Variants in UTRN observed in about 807,000 individuals in gnomAD.
UTRN encodes utrophin.
A neutral mutation model predicts 463.9 loss-of-function variants in UTRN; 283 were observed. That is an observed-to-expected ratio of 0.61 (90% CI 0.55 to 0.67). The LOEUF (loss-of-function observed/expected upper bound fraction) is 0.67, where lower values mean the gene tolerates loss of function less well. UTRN is among the 30% of genes least tolerant of loss of function. The pLI is 0.00. For missense variants in UTRN, 3,922 were observed against 4,084.3 expected (o/e 0.96, Z 1.08); for synonymous variants, 1,442 against 1,431.5 (o/e 1.01, Z -0.17).
At chr6:144,676,192 A>G (rs1259567471) in intron 51 of UTRN, among the ~76,000 whole-genome samples, 1 of 152,104 alleles carries the variant, frequency 6.6e-6, no homozygotes, top group Admixed American at 6.6e-5. Context: ...GATTAAGGGC[A>G]AGTAAAGTTA....
chr6:144,426,292 A>G lies in UTRN; in HGVS notation c.411A>G (p.Lys137=), dbSNP rs1055690769. 1 of 1,612,654 alleles carries G rather than the reference A, an allele frequency of 6.2e-7. No individual in the cohort carries two copies. Among genetic ancestry groups the G allele is most frequent in the Non-Finnish European group, 8.5e-7 (1 of 1,179,330 alleles). The change falls in exon 7 of 75, where the codon AAA becomes AAG. Residue 137 remains lysine (K), a synonymous_variant. Coordinates refer to ENST00000367545, the MANE Select transcript of UTRN (RefSeq NM_007124.3). ...GCCTGGTTTCTCTTACATAGGTGAA[A>G]GATGTCATGAAGGATGTCATGTCGG... ...LWSIILHWQV[K]DVMKDVMSDL...
At position 144,761,341 on chromosome 6, in the gene UTRN, A is replaced by C. The variant is rs1192917104; in HGVS notation, c.8495+3352A>C. 2.0e-5 allele frequency among the ~76,000 whole-genome samples: 3 copies of C among 152,140 alleles called. No homozygotes were observed. In the East Asian group the frequency reaches 5.8e-4, roughly 29 times the overall value. On this transcript the variant is annotated intron_variant, in intron 58 of 74. Transcript: ENST00000367545. Reference sequence around the variant, plus strand: ...TCCTAGTATAGTGCAATGAGAGCTCATTGTATTCAGGGTTTAAGAACATTT... The same window carrying C: ...TCCTAGTATAGTGCAATGAGAGCTCCTTGTATTCAGGGTTTAAGAACATTT...
intron 52 of UTRN, among the ~76,000 whole-genome samples, chr6:144,681,473 A>G (rs78034085): frequency 2.5e-3 from 383 of 152,244 alleles, no homozygotes; most frequent in Non-Finnish European, 4.2e-3. Flanking sequence ...TGCATAAGTA[A>G]TGGTGCAAGC....
intron 51 of UTRN, among the ~76,000 whole-genome samples, chr6:144,593,712 A>G (rs1330134207): frequency 6.6e-6 from 1 of 152,204 alleles, no homozygotes; most frequent in African/African-American, 2.4e-5. Context: ...GATTGTATTC[A>G]GAGAACATTG....
chr6:144,732,311 TAA>T (rs1301214040), intron 54 of UTRN, among the ~76,000 whole-genome samples: 3 of 142,886 alleles, frequency 2.1e-5, no homozygotes, highest in African/African-American at 5.2e-5. Context: ...TATATATATA[TAA>T]AAAATGTATA....
At position 144,840,811 on chromosome 6, in the gene UTRN, A is replaced by G. The variant is rs1781506289; in HGVS notation, c.10249A>G (p.Ser3417Gly). 3 of 1,613,956 alleles carry G rather than the reference A, an allele frequency of 1.9e-6. No homozygotes were observed. Among genetic ancestry groups the G allele is most frequent in the Non-Finnish European group, 2.5e-6 (3 of 1,179,986 alleles). Residue 3417 changes from serine to glycine, a missense_variant, in exon 73 of 75, where the codon AGC becomes GGC. Ser to Gly is a moderately conservative substitution (Grantham distance 56). Around this residue, in one of 3 missense-constraint regions of UTRN, gnomAD observed 1,309 missense variants for 1,452.6 expected, o/e 0.90. Transcript: ENST00000367545. Reference sequence around the variant, plus strand: ...CACGGAGGTCATGGAGCAGATTCACAGCACGTTTCCATCTTGCTGCCGTGA... The same window carrying G: ...CACGGAGGTCATGGAGCAGATTCACGGCACGTTTCCATCTTGCTGCCGTGA... ...DLTEVMEQIH[S>G]TFPSCCPNVP...
chr6:144,589,521 T>C (rs918936960), intron 51 of UTRN, among the ~76,000 whole-genome samples: 1 of 152,196 alleles, frequency 6.6e-6, no homozygotes, highest in Non-Finnish European at 1.5e-5. Flanking sequence ...ATAGCCAGTG[T>C]CTCTCTACCT....
chr6:144,832,645 A>G (rs1183100658), intron 69 of UTRN, among the ~76,000 whole-genome samples: 4 of 152,170 alleles, frequency 2.6e-5, no homozygotes, highest in African/African-American at 9.7e-5. Context: ...CTGTGGTCAA[A>G]TCATGGCCAC....
At chr6:144,689,131 G>A (rs1783057219) in intron 52 of UTRN, among the ~76,000 whole-genome samples, 1 of 152,156 alleles carries the variant, frequency 6.6e-6, no homozygotes, top group Non-Finnish European at 1.5e-5. Flanking sequence ...CATATAGAGA[G>A]GGACTGTGAC....
intron 51 of UTRN, among the ~76,000 whole-genome samples, chr6:144,619,601 T>G (rs1300447187): frequency 6.6e-6 from 1 of 152,230 alleles, no homozygotes; most frequent in Admixed American, 6.5e-5. Context: ...GATTTATTTC[T>G]GGAGATGTAC....
intron 62 of UTRN, among the ~76,000 whole-genome samples, chr6:144,791,364 T>G (rs1360231137): frequency 6.6e-6 from 1 of 152,188 alleles, no homozygotes; most frequent in African/African-American, 2.4e-5. Context: ...TTTCTAACAG[T>G]GCCCTGGCCT....
intron 50 of UTRN, among the ~76,000 whole-genome samples, chr6:144,561,418 A>G (rs1337494781): frequency 6.6e-6 from 1 of 151,172 alleles, no homozygotes; most frequent in Non-Finnish European, 1.5e-5. Context: ...ATATATATGC[A>G]CACTCATGTA....
chr6:144,622,736 T>C (rs1464988514), intron 51 of UTRN, among the ~76,000 whole-genome samples: 5 of 152,310 alleles, frequency 3.3e-5, no homozygotes, highest in Middle Eastern at 3.4e-3. Context: ...TATTTATAAA[T>C]GGACTTTTAA....
At chr6:144,609,402 A>G (rs1805232517) in intron 51 of UTRN, among the ~76,000 whole-genome samples, 1 of 152,246 alleles carries the variant, frequency 6.6e-6, no homozygotes, top group African/African-American at 2.4e-5. Context: ...TTGTAAACGC[A>G]TATGAATGCA....
chr6:144,819,911 C>CCTCCTCCTCCTCCTCCTCCTCCTCTCTCT (rs11397588), intron 65 of UTRN, among the ~76,000 whole-genome samples: 1 of 118,610 alleles, frequency 8.4e-6, no homozygotes, highest in African/African-American at 3.8e-5. Context: ...TCCTCCTCCT[C>CCTCCTCCTCCTCCTCCTCCTCCTCTCTCT]CTCTCTCTCT....
chr6:144,565,296 A>C (rs1800302825), intron 50 of UTRN, among the ~76,000 whole-genome samples: 3 of 152,284 alleles, frequency 2.0e-5, no homozygotes, highest in Admixed American at 6.5e-5. Flanking sequence ...GTTAAGTTTG[A>C]GATGCCTGTT....
intron 51 of UTRN, among the ~76,000 whole-genome samples, chr6:144,610,078 A>G (rs914129054): frequency 6.6e-6 from 1 of 152,006 alleles, no homozygotes; most frequent in African/African-American, 2.4e-5. Context: ...AAGAACAAAG[A>G]TCAGAGCCAA....
intron 2 of UTRN, among the ~76,000 whole-genome samples, chr6:144,332,046 T>C (rs980560085): frequency 6.6e-6 from 1 of 152,206 alleles, no homozygotes; most frequent in South Asian, 2.1e-4. Context: ...TTCCTCCACC[T>C]GGAATACCGG....
At chr6:144,611,036 A>G (rs549630343) in intron 51 of UTRN, among the ~76,000 whole-genome samples, 121 of 152,360 alleles carry the variant, frequency 7.9e-4, no homozygotes, top group Non-Finnish European at 1.5e-3. Context: ...TATCCCCAGG[A>G]TGGAAGGATG....
Sources: allele counts gnomAD v4.1 joint callset (sites outside exome capture counted in the v4.1 genomes callset), GRCh38; gene constraint gnomAD v4.1.1; regional missense constraint gnomAD v4.1.1; transcripts MANE v1.5; gene names NCBI Gene and HGNC (gene_info 2026-07-23, HGNC 2026-07-21).